OSTF1: variants seen among roughly 807,000 people sequenced by gnomAD.
OSTF1 encodes osteoclast-stimulating factor 1.
In OSTF1, 27 loss-of-function variants were observed where a neutral mutation model predicts 37.2. The ratio of observed to expected loss-of-function variants is 0.73; its 90% CI spans 0.54 to 1.00. The LOEUF is 1.00. OSTF1 is among the 50% of genes least tolerant of loss of function. The pLI is 0.00. For synonymous variants in OSTF1, 82 were observed against 89.2 expected, an observed-to-expected ratio of 0.92 and a Z score of 0.46; for missense variants, 232 against 253.8, an observed-to-expected ratio of 0.91 and a Z score of 0.58.
At chr9:75,126,477 G>T (rs944338349) in intron 2 of OSTF1, among the ~76,000 whole-genome samples, 1 of 152,116 alleles carries the variant, frequency 6.6e-6, no homozygotes, top group Non-Finnish European at 1.5e-5. Flanking sequence ...CTCTCGGTAG[G>T]CATCACCCTA....
At chr9:75,145,148 T>TATCG (rs1826000766) in intron 9 of OSTF1, among the ~76,000 whole-genome samples, 2 of 65,640 alleles carry the variant, frequency 3.0e-5, no homozygotes, top group Non-Finnish European at 6.2e-5. Flanking sequence ...CCTATCTATC[T>TATCG]ATCTATCTAT....
chr9:75,097,755 CT>C (rs34808461), intron 1 of OSTF1, among the ~76,000 whole-genome samples: 60,927 of 144,002 alleles, frequency 0.42, 12,529 homozygotes, highest in Middle Eastern at 0.55. Flanking sequence ...GCCGTCCCCT[CT>C]TTTTTTTTTT....
At chr9:75,105,293 G>A (rs1263695271) in intron 1 of OSTF1, among the ~76,000 whole-genome samples, 1 of 152,102 alleles carries the variant, frequency 6.6e-6, no homozygotes. Flanking sequence ...CAAGGTAGAG[G>A]TCTGCAAACA....
chr9:75,101,666 G>T (rs985089519), intron 1 of OSTF1, among the ~76,000 whole-genome samples: 6 of 152,018 alleles, frequency 3.9e-5, no homozygotes, highest in Non-Finnish European at 8.8e-5. Flanking sequence ...TTTCTCCTAT[G>T]TCCAAAGTTT....
chr9:75,117,654 C>G, intron 2 of OSTF1, 104 bp downstream of exon 2: 1 of 820,134 alleles, frequency 1.2e-6, no homozygotes, highest in South Asian at 1.5e-5. Context: ...TTTGATAGAC[C>G]TAGGTAATTC....
At chr9:75,132,634 C>T (rs1825778763) in intron 5 of OSTF1, among the ~76,000 whole-genome samples, 1 of 152,150 alleles carries the variant, frequency 6.6e-6, no homozygotes. Flanking sequence ...CAATGAGCTC[C>T]ATTTCATTCC....
chr9:75,146,370 A>G (rs1024072210), intron 9 of OSTF1, among the ~76,000 whole-genome samples: 1 of 152,248 alleles, frequency 6.6e-6, no homozygotes, highest in Admixed American at 6.5e-5. Flanking sequence ...CTCAGTTGTC[A>G]GAGTGGAGTG....
intron 8 of OSTF1, among the ~76,000 whole-genome samples, chr9:75,138,339 T>C (rs542943487): frequency 3.3e-5 from 5 of 152,336 alleles, no homozygotes; most frequent in East Asian, 1.9e-4. Flanking sequence ...ATTTTAAGTA[T>C]GCTGGTGATG....
At chr9:75,130,813 G>T (rs550797642) in intron 4 of OSTF1, among the ~76,000 whole-genome samples, 172 bp downstream of exon 4, 2 of 152,246 alleles carry the variant, frequency 1.3e-5, no homozygotes, top group South Asian at 4.1e-4. Flanking sequence ...CACCAGATGT[G>T]CTTGAGCCTG....
intron 1 of OSTF1, among the ~76,000 whole-genome samples, chr9:75,115,097 G>A (rs1263575578): frequency 6.6e-6 from 1 of 151,888 alleles, no homozygotes; most frequent in Non-Finnish European, 1.5e-5. Flanking sequence ...ATTATTCTAT[G>A]GTGTTATATC....
intron 1 of OSTF1, among the ~76,000 whole-genome samples, chr9:75,116,533 C>T (rs56245874): frequency 6.6e-6 from 1 of 151,156 alleles, no homozygotes; most frequent in Non-Finnish European, 1.5e-5. Context: ...AGGAGGACAA[C>T]TCAGGCATGT....
intron 2 of OSTF1, among the ~76,000 whole-genome samples, chr9:75,121,365 T>A (rs886459735): frequency 1.3e-5 from 2 of 152,242 alleles, no homozygotes; most frequent in Non-Finnish European, 2.9e-5. Flanking sequence ...TAAAAAAATC[T>A]TAGTTATTAT....
chr9:75,115,138 A>C (rs901025833), intron 1 of OSTF1, among the ~76,000 whole-genome samples: 1 of 152,216 alleles, frequency 6.6e-6, no homozygotes, highest in Non-Finnish European at 1.5e-5. Flanking sequence ...AATAGAAAAG[A>C]ATAAGAAAGA....
chr9:75,126,288 C>T (rs1358950843), intron 2 of OSTF1, among the ~76,000 whole-genome samples: 2 of 152,122 alleles, frequency 1.3e-5, no homozygotes, highest in Non-Finnish European at 2.9e-5. Flanking sequence ...AATATCAAAG[C>T]CTTTCTTTTA....
At chr9:75,131,858 A>G (rs148787865) in intron 5 of OSTF1, 35 bp downstream of exon 5, 13 of 1,510,460 alleles carry the variant, frequency 8.6e-6, no homozygotes, top group Non-Finnish European at 1.2e-5. Flanking sequence ...GGTATGCAGT[A>G]CAGTAAAAGG....
At chr9:75,133,704 A>G (rs753627060) in intron 6 of OSTF1, among the ~76,000 whole-genome samples, 2 of 152,230 alleles carry the variant, frequency 1.3e-5, no homozygotes, top group Non-Finnish European at 2.9e-5. Flanking sequence ...CTAATCTTAC[A>G]GAAGGAAAGA....
intron 7 of OSTF1, among the ~76,000 whole-genome samples, chr9:75,137,328 C>T (rs1199779601): frequency 2.0e-5 from 3 of 152,192 alleles, no homozygotes; most frequent in Non-Finnish European, 4.4e-5. Flanking sequence ...TCAGCTTGTA[C>T]TCCTCCATCC....
At chr9:75,112,530 G>A (rs1490992871) in intron 1 of OSTF1, among the ~76,000 whole-genome samples, 4 of 152,166 alleles carry the variant, frequency 2.6e-5, no homozygotes, top group African/African-American at 9.7e-5. Flanking sequence ...ATGTAAAAGT[G>A]TTTTCTACAA....
intron 1 of OSTF1, among the ~76,000 whole-genome samples, chr9:75,110,877 C>G (rs1377929511): frequency 6.6e-6 from 1 of 151,994 alleles, no homozygotes; most frequent in African/African-American, 2.4e-5. Context: ...GCAACCACAC[C>G]TGGCTAATTT....
Sources: allele counts gnomAD v4.1 joint callset (sites outside exome capture counted in the v4.1 genomes callset), GRCh38; gene constraint gnomAD v4.1.1; transcripts MANE v1.5; gene names NCBI Gene and HGNC (gene_info 2026-07-23, HGNC 2026-07-21).